GPC6: variants seen among roughly 807,000 people sequenced by gnomAD.
GPC6 encodes the protein glypican-6.
GPC6 carries 14 observed loss-of-function variants against 55.2 expected under a neutral mutation model. The ratio of observed to expected loss-of-function variants is 0.25; its 90% CI spans 0.17 to 0.40. GPC6 has a LOEUF of 0.40. Ranked by LOEUF, GPC6 falls within the 10% of genes least tolerant of loss-of-function variation. GPC6 has a pLI of 1.00. For missense variants in GPC6, 641 were observed against 708.5 expected (o/e 0.90, Z 1.08); for synonymous variants, 278 against 259.6 (o/e 1.07, Z -0.68).
At chr13:93,537,003 G>T (rs1024765209) in intron 1 of GPC6, among the ~76,000 whole-genome samples, 1 of 152,070 alleles carries the variant, frequency 6.6e-6, no homozygotes, top group Non-Finnish European at 1.5e-5. Flanking sequence ...AATATTCCAC[G>T]AGAGTTAACT....
intron 3 of GPC6, among the ~76,000 whole-genome samples, chr13:93,885,221 G>C (rs1481106766): frequency 6.6e-6 from 1 of 151,182 alleles, no homozygotes; most frequent in South Asian, 2.1e-4. Flanking sequence ...TGAAAACTTG[G>C]ATACCCTTTG....
At chr13:94,379,497 G>T (rs1377283476) in intron 6 of GPC6, among the ~76,000 whole-genome samples, 1 of 152,060 alleles carries the variant, frequency 6.6e-6, no homozygotes, top group East Asian at 1.9e-4. Context: ...ATCGCGACGG[G>T]CTCCTCACTT....
rs147872438 is a variant in GPC6, at chr13:93,623,327, T to C, written c.319+77906T>C. On this transcript the variant is annotated intron_variant, in intron 2 of 8. Coordinates refer to ENST00000377047, the MANE Select transcript of GPC6 (RefSeq NM_005708.5). ...GCTAAATCACATGGTTATTTCACTT[T>C]TTAAATTTTTTGAAGAACTTCCGTA... Among the ~76,000 whole-genome samples the C allele has an allele frequency of 2.7e-3, 417 of 152,342 alleles. 2 individuals are homozygous for C. Among genetic ancestry groups the C allele is most frequent in the African/African-American group, 9.8e-3 (406 of 41,582 alleles).
intron 2 of GPC6, among the ~76,000 whole-genome samples, chr13:93,660,583 C>G (rs1481874966): frequency 6.6e-6 from 1 of 152,140 alleles, no homozygotes; most frequent in East Asian, 1.9e-4. Flanking sequence ...CCTTGAGAGT[C>G]AATCTGTTTG....
chr13:94,218,381 C>A (rs566777071), intron 4 of GPC6, among the ~76,000 whole-genome samples: 1 of 152,228 alleles, frequency 6.6e-6, no homozygotes, highest in South Asian at 2.1e-4. Flanking sequence ...ACAGAAGCAA[C>A]TGCTTGAGGC....
intron 7 of GPC6, among the ~76,000 whole-genome samples, chr13:94,391,034 G>T (rs1407999): frequency 0.58 from 88,796 of 151,906 alleles, 26,360 homozygotes; most frequent in African/African-American, 0.67. Flanking sequence ...TACTAAGAAA[G>T]AATGGGTTTG....
At chr13:93,756,569 T>A (rs1440952528) in intron 2 of GPC6, among the ~76,000 whole-genome samples, 8 of 152,182 alleles carry the variant, frequency 5.3e-5, no homozygotes, top group Non-Finnish European at 8.8e-5. Flanking sequence ...TGGGGTGTTA[T>A]GTTTGTTCTG....
chr13:93,763,042 C>T (rs1327431006), intron 2 of GPC6, among the ~76,000 whole-genome samples: 1 of 152,206 alleles, frequency 6.6e-6, no homozygotes, highest in Non-Finnish European at 1.5e-5. Context: ...AATAACTTGA[C>T]TGGAACTAAG....
intron 4 of GPC6, among the ~76,000 whole-genome samples, chr13:94,061,817 G>A (rs575813817): frequency 6.6e-6 from 1 of 151,600 alleles, no homozygotes; most frequent in Non-Finnish European, 1.5e-5. Flanking sequence ...CAAAAATGTA[G>A]TTTCTGATGC....
rs536111723 is a variant in GPC6, at chr13:94,220,458, G to C, written c.878-65891G>C. On this transcript the variant is annotated intron_variant, in intron 4 of 8. Coordinates refer to ENST00000377047, the MANE Select transcript of GPC6 (RefSeq NM_005708.5). Reference sequence around the variant, plus strand: ...ACATTTGCATTCATTGAAAACCAAAGCACTTCAATATTGGTATAGATAACA... The same window carrying C: ...ACATTTGCATTCATTGAAAACCAAACCACTTCAATATTGGTATAGATAACA... Among the ~76,000 whole-genome samples the C allele has an allele frequency of 2.6e-5, 4 of 152,184 alleles. No individual in the cohort carries two copies. The South Asian group carries it at 8.3e-4, about 32-fold the overall frequency.
At chr13:94,049,192 A>G (rs1883843086) in intron 4 of GPC6, among the ~76,000 whole-genome samples, 1 of 151,572 alleles carries the variant, frequency 6.6e-6, no homozygotes, top group Non-Finnish European at 1.5e-5. Context: ...CTGAGGCTGC[A>G]GTAAGACGAC....
chr13:93,736,281 G>A (rs911898833), intron 2 of GPC6, among the ~76,000 whole-genome samples: 9 of 152,174 alleles, frequency 5.9e-5, no homozygotes, highest in Non-Finnish European at 1.0e-4. Flanking sequence ...TTAAATGTGT[G>A]GGAAACTTTA....
intron 1 of GPC6, among the ~76,000 whole-genome samples, chr13:93,398,722 C>T: frequency 6.6e-6 from 1 of 152,216 alleles, no homozygotes; most frequent in East Asian, 1.9e-4. Flanking sequence ...TTAATGTTCC[C>T]ATTACCCTCG....
chr13:93,828,524 A>C, intron 2 of GPC6, among the ~76,000 whole-genome samples: 1 of 152,104 alleles, frequency 6.6e-6, no homozygotes, highest in East Asian at 1.9e-4. Flanking sequence ...CAATTTTGCA[A>C]ATTTCGCCCT....
chr13:93,732,501 C>T (rs1334013027), intron 2 of GPC6, among the ~76,000 whole-genome samples: 2 of 152,116 alleles, frequency 1.3e-5, no homozygotes, highest in African/African-American at 4.8e-5. Flanking sequence ...TGTGTTATTG[C>T]CAGCAGTCAT....
chr13:94,046,375 C>G (rs1883733304), intron 4 of GPC6, among the ~76,000 whole-genome samples: 1 of 152,052 alleles, frequency 6.6e-6, no homozygotes, highest in Admixed American at 6.6e-5. Flanking sequence ...GCAGTCAACA[C>G]TCTGAGGTCT....
At chr13:94,257,507 C>A (rs2139045464) in intron 4 of GPC6, among the ~76,000 whole-genome samples, 1 of 152,278 alleles carries the variant, frequency 6.6e-6, no homozygotes, top group South Asian at 2.1e-4. Flanking sequence ...TGTCAGCCCT[C>A]TCTTAGAAAT....
chr13:93,585,339 AAC>A (rs200771932), intron 2 of GPC6, among the ~76,000 whole-genome samples: 8 of 151,794 alleles, frequency 5.3e-5, no homozygotes, highest in African/African-American at 1.7e-4. Flanking sequence ...TATATGTTAA[AAC>A]ACACACACAC....
At chr13:94,357,408 C>T (rs1461795169) in intron 6 of GPC6, among the ~76,000 whole-genome samples, 1 of 152,106 alleles carries the variant, frequency 6.6e-6, no homozygotes, top group African/African-American at 2.4e-5. Flanking sequence ...CTTGGCAGAC[C>T]CAGGACCCCT....
Sources: gnomAD v4.1 joint callset for allele counts (sites outside exome capture counted in the v4.1 genomes callset) on GRCh38, gnomAD v4.1.1 for gene constraint, MANE v1.5 for transcripts, NCBI Gene and HGNC (gene_info 2026-07-23, HGNC 2026-07-21) for gene names.